The following CLCN5 variants were observed in gnomAD, a reference collection of about 807,000 sequenced individuals.
CLCN5 encodes the protein H(+)/Cl(-) exchange transporter 5.
CLCN5 carries 17 observed loss-of-function variants against 54.0 expected under a neutral mutation model. That is an observed-to-expected ratio of 0.31 (90% CI 0.22 to 0.47). CLCN5 has a LOEUF of 0.47. Ranked by LOEUF, CLCN5 falls within the 20% of genes least tolerant of loss-of-function variation. The pLI, the probability that CLCN5 is intolerant of heterozygous loss-of-function variation, is 1.00. For missense variants in CLCN5, 448 were observed against 646.7 expected (o/e 0.69, Z 3.33); for synonymous variants, 222 against 233.0 (o/e 0.95, Z 0.43).
chrX:50,066,777 G>A (rs1420888164), intron 4 of CLCN5, among the ~76,000 whole-genome samples: 1 of 112,066 alleles, frequency 8.9e-6, no homozygotes, highest in Non-Finnish European at 1.9e-5. Context: ...TTTCTGCGTA[G>A]AGCATTACTA....
At chrX:49,975,871 T>C (rs1195994747) in intron 3 of CLCN5, among the ~76,000 whole-genome samples, 1 of 112,141 alleles carries the variant, frequency 8.9e-6, no homozygotes. Context: ...AAAGAGAGCT[T>C]GGTCATTAGT....
At chrX:49,934,879 A>G (rs1301890195) in intron 3 of CLCN5, among the ~76,000 whole-genome samples, 8 of 112,043 alleles carry the variant, frequency 7.1e-5, no homozygotes, top group Middle Eastern at 4.6e-3. Flanking sequence ...GGCTCTGTCT[A>G]TGCTAAATCT....
rs1028148335 is a variant in CLCN5 at position 49,973,193 on chromosome X, T to G, written c.16+47879T>G. Among the ~76,000 whole-genome samples the G allele has an allele frequency of 2.7e-5, 3 of 111,501 alleles. No homozygotes were observed. The Admixed American group carries it at 2.9e-4, about 11-fold the overall frequency. On this transcript the variant is annotated intron_variant, in intron 3 of 14. Transcript: ENST00000376091. ...GCTCATGAATTCTTGTCATGGCTAG[T>G]GTCAGAGAGACTTTATACCAGATGA... is the stretch of plus-strand genomic sequence containing the variant.
intron 3 of CLCN5, among the ~76,000 whole-genome samples, chrX:50,026,173 T>A (rs892508451): frequency 3.6e-5 from 4 of 111,962 alleles, no homozygotes; most frequent in Non-Finnish European, 7.5e-5. Flanking sequence ...CTCCAAGTAT[T>A]TGAGTTTTCA....
intron 11 of CLCN5, among the ~76,000 whole-genome samples, chrX:50,087,645 G>A (rs1413957341): frequency 9.0e-6 from 1 of 111,692 alleles, no homozygotes; most frequent in Non-Finnish European, 1.9e-5. Flanking sequence ...ATTCAAGCCA[G>A]AAGAGATAGC....
At chrX:49,929,087 T>C (rs1438066003) in intron 3 of CLCN5, among the ~76,000 whole-genome samples, 1 of 111,422 alleles carries the variant, frequency 9.0e-6, no homozygotes, top group Admixed American at 9.5e-5. Flanking sequence ...AATGTGTGAG[T>C]CTGTTCTCAG....
chrX:49,988,529 C>T (rs999571351), intron 3 of CLCN5, among the ~76,000 whole-genome samples: 1 of 111,110 alleles, frequency 9.0e-6, no homozygotes, highest in Non-Finnish European at 1.9e-5. Flanking sequence ...TTACCTCCCC[C>T]GGCTCTCTAT....
intron 7 of CLCN5, among the ~76,000 whole-genome samples, chrX:50,079,069 C>T (rs1326557154): frequency 7.2e-5 from 8 of 111,514 alleles, no homozygotes; most frequent in Admixed American, 1.9e-4. Flanking sequence ...GTGATCCGCC[C>T]GCCTCGGCCT....
intron 3 of CLCN5, among the ~76,000 whole-genome samples, chrX:49,938,169 G>C (rs1331710092): frequency 9.0e-6 from 1 of 111,456 alleles, no homozygotes; most frequent in Non-Finnish European, 1.9e-5. Flanking sequence ...CACAAGACAG[G>C]TTTTACTTTA....
rs782626292 is a variant in CLCN5 at position 49,923,846 on chromosome X, A to G, written c.-129+364A>G. On this transcript the variant is annotated intron_variant, in intron 2 of 14. Transcript: ENST00000376091. ...TGGTGTACACATTAACCCTTTTGTCATTAAAGAAGGCCAACACGATTCTCA... is the reference window on the plus strand; with the variant it reads ...TGGTGTACACATTAACCCTTTTGTCGTTAAAGAAGGCCAACACGATTCTCA... 1.1e-4 allele frequency: 12 copies of G among 112,389 alleles called. 1 individual carries two copies. In the South Asian group the frequency reaches 1.5e-3, roughly 14 times the overall value. The allele number at this position is 112,389 out of a possible 1,213,427, so 9.3% of individuals were successfully genotyped here. A position where few individuals can be genotyped will look rare whatever the true frequency, so the allele number is the denominator to read the frequency against.
At chrX:49,987,284 T>C (rs1557178393) in intron 3 of CLCN5, among the ~76,000 whole-genome samples, 2 of 111,886 alleles carry the variant, frequency 1.8e-5, no homozygotes, top group Non-Finnish European at 3.8e-5. Context: ...GCCACATAGT[T>C]TTTTGCTATC....
chrX:49,924,145 A>ATTTTTTTTTTTTTTTTT lies in CLCN5; in HGVS notation c.-129+664_-129+680dup, dbSNP rs34424526. Among the ~76,000 whole-genome samples, 208 of 84,433 alleles carry ATTTTTTTTTTTTTTTTT rather than the reference A, an allele frequency of 2.5e-3. 8 individuals carry two copies. Among genetic ancestry groups the ATTTTTTTTTTTTTTTTT allele is most frequent in the African/African-American group, 8.7e-3 (194 of 22,317 alleles). The allele number at this position is 84,433 out of a possible 115,157, so 73.3% of individuals were successfully genotyped here. A position where few individuals can be genotyped will look rare whatever the true frequency, so the allele number is the denominator to read the frequency against. On this transcript the variant is annotated intron_variant, in intron 2 of 14. Transcript: ENST00000376091. Reference sequence around the variant, plus strand: ...ATTTTTTCTCCCATTCCTAGCTCCTATTTTTTTTTTTTTTTTTGGTTTGAG... The same window carrying ATTTTTTTTTTTTTTTTT: ...ATTTTTTCTCCCATTCCTAGCTCCTATTTTTTTTTTTTTTTTTTTTTTTTTTTTTTTTTTGGTTTGAG...
intron 3 of CLCN5, among the ~76,000 whole-genome samples, chrX:49,969,148 G>T (rs1445696875): frequency 9.1e-6 from 1 of 110,171 alleles, no homozygotes; most frequent in Non-Finnish European, 1.9e-5. Flanking sequence ...CATGATCTCA[G>T]CTCACTGCAA....
Position 50,042,398 on chromosome X carries a change from T to G in CLCN5, c.99T>G (p.Ile33Met). 1 of 1,161,870 alleles carries G rather than the reference T, an allele frequency of 8.6e-7. No homozygotes were observed. The change falls in exon 4 of 15, where the codon ATT (isoleucine) becomes ATG (methionine). Residue 33 changes from isoleucine to methionine, a missense_variant. Ile to Met is a conservative substitution (Grantham distance 10). Coordinates refer to ENST00000376091, the MANE Select transcript of CLCN5 (RefSeq NM_001127898.4). The part of the protein sequence containing the change: ...NSSSDEDLMD[I>M]PATAMDFSMR... ...CCAGTGATGAAGACCTGATGGACATTCCAGCAACCGCTATGGATTTCTCCA... is the reference window on the plus strand; with the variant it reads ...CCAGTGATGAAGACCTGATGGACATGCCAGCAACCGCTATGGATTTCTCCA...
At chrX:50,041,330 G>A (rs1932206709) in intron 3 of CLCN5, among the ~76,000 whole-genome samples, 1 of 111,560 alleles carries the variant, frequency 9.0e-6, no homozygotes, top group African/African-American at 3.3e-5. Context: ...GGGAGGGTGG[G>A]CCTACATAAA....
At position 50,091,894 on chromosome X, in the gene CLCN5, G is replaced by C. The variant is rs368541825; in HGVS notation, c.2361-235G>C. ...TATGTAGCGAAGAGTATTTAAACCAGAGGAAATCGCAGGGTCTGAGACCTA... is the reference window on the plus strand; with the variant it reads ...TATGTAGCGAAGAGTATTTAAACCACAGGAAATCGCAGGGTCTGAGACCTA... On this transcript the variant is annotated intron_variant, in intron 14 of 14. Transcript: ENST00000376091. Among the ~76,000 whole-genome samples the C allele has an allele frequency of 4.5e-5, 5 of 111,715 alleles. No individual in the cohort carries two copies. The East Asian group carries it at 1.4e-3, about 31-fold the overall frequency.
chrX:50,057,176 A>G (rs1252703070), intron 4 of CLCN5, among the ~76,000 whole-genome samples: 1 of 109,948 alleles, frequency 9.1e-6, no homozygotes, highest in Non-Finnish European at 1.9e-5. Context: ...CCGCTGGATC[A>G]TGGGTAAGTT....
At chrX:49,933,360 G>T (rs1267194570) in intron 3 of CLCN5, among the ~76,000 whole-genome samples, 2 of 112,338 alleles carry the variant, frequency 1.8e-5, no homozygotes, top group African/African-American at 6.5e-5. Context: ...GGAAGTCATT[G>T]AATAGAGGGT....
chrX:50,093,125 C>T lies in CLCN5; in HGVS notation c.*906C>T, dbSNP rs1301260636. ...TGTTTGTGAGGTCCTAACTAATTCTCTTACCCAGATGCCACCTCCATGAAT... is the reference window on the plus strand; with the variant it reads ...TGTTTGTGAGGTCCTAACTAATTCTTTTACCCAGATGCCACCTCCATGAAT... On this transcript the variant is annotated 3_prime_UTR_variant, in exon 15 of 15. Coordinates refer to ENST00000376091, the MANE Select transcript of CLCN5 (RefSeq NM_001127898.4). 1 of 112,238 alleles carries T rather than the reference C, an allele frequency of 8.9e-6. No homozygotes were observed. Among genetic ancestry groups the T allele is most frequent in the Non-Finnish European group, 1.9e-5 (1 of 53,274 alleles). 9.2% of individuals were successfully genotyped at this position (112,238 alleles called of 1,213,427 possible).
Sources: gnomAD v4.1 joint callset for allele counts (sites outside exome capture counted in the v4.1 genomes callset) on GRCh38, gnomAD v4.1.1 for gene constraint, MANE v1.5 for transcripts, NCBI Gene and HGNC (gene_info 2026-07-23, HGNC 2026-07-21) for gene names.